The following PLCXD3 variants were observed in gnomAD, a reference collection of about 807,000 sequenced individuals.
The protein encoded by PLCXD3 is PI-PLC X domain-containing protein 3.
PLCXD3 carries 19 observed loss-of-function variants against 25.5 expected under a neutral mutation model. That is an observed-to-expected ratio of 0.75 (90% confidence interval 0.52 to 1.09). PLCXD3 has a LOEUF of 1.09. Ranked by LOEUF, PLCXD3 falls within the 50% of genes least tolerant of loss-of-function variation. PLCXD3 has a pLI of 0.00. For missense variants in PLCXD3, 411 were observed against 388.1 expected (o/e 1.06, Z -0.50); for synonymous variants, 174 against 137.6 (o/e 1.26, Z -1.85).
At chr5:41,326,332 A>C (rs1468910629) in intron 2 of PLCXD3, among the ~76,000 whole-genome samples, 3 of 152,076 alleles carry the variant, frequency 2.0e-5, no homozygotes, top group Admixed American at 2.0e-4. Context: ...TGTGTTATCT[A>C]CACCACAGTC....
chr5:41,460,875 C>CT (rs1747857540), intron 1 of PLCXD3, among the ~76,000 whole-genome samples: 1 of 151,806 alleles, frequency 6.6e-6, no homozygotes, highest in African/African-American at 2.4e-5. Context: ...TTTCTTATTA[C>CT]TATTGTTGCC....
At chr5:41,374,217 C>G (rs565092522) in intron 2 of PLCXD3, among the ~76,000 whole-genome samples, 1 of 152,164 alleles carries the variant, frequency 6.6e-6, no homozygotes, top group African/African-American at 2.4e-5. Flanking sequence ...TCACTTGAGT[C>G]TGTTAAGAAT....
rs1429768175 is a variant in PLCXD3, at chr5:41,372,126, A to C, written c.812+9700T>G. Reference sequence around the variant, plus strand: ...TTTTTTTTGTGAGTGCTAGCTATACATACTAGTTATATTTTAAGCTAGTTT... The same window carrying C: ...TTTTTTTTGTGAGTGCTAGCTATACCTACTAGTTATATTTTAAGCTAGTTT... On this transcript the variant is annotated intron_variant, in intron 2 of 2. Transcript: ENST00000377801. Among the ~76,000 whole-genome samples the C allele has an allele frequency of 2.0e-5, 3 of 152,166 alleles. No individual in the cohort carries two copies. The East Asian group carries it at 5.8e-4, about 29-fold the overall frequency.
intron 2 of PLCXD3, among the ~76,000 whole-genome samples, chr5:41,357,957 C>T (rs1042249434): frequency 1.3e-5 from 2 of 152,118 alleles, no homozygotes; most frequent in Admixed American, 6.6e-5. Context: ...TAATTATTCT[C>T]AATGATAAAA....
Position 41,391,518 on chromosome 5 carries a change from C to T in PLCXD3, c.104-8984G>A, listed in dbSNP as rs536788507. On this transcript the variant is annotated intron_variant, in intron 1 of 2. Transcript: ENST00000377801. ...TAGTTCTGCCGGCATTCATCACCTG[C>T]TAAATGAAGAGTCCTTGGGCCCCAA... Among the ~76,000 whole-genome samples, 9 of 152,258 alleles carry T rather than the reference C, an allele frequency of 5.9e-5. No individual in the cohort carries two copies. In the South Asian group the frequency reaches 1.9e-3, roughly 32 times the overall value.
chr5:41,411,886 A>G (rs868688520), intron 1 of PLCXD3, among the ~76,000 whole-genome samples: 1 of 4,234 alleles, frequency 2.4e-4, no homozygotes, highest in African/African-American at 1.7e-3. Context: ...ATATATATGT[A>G]TCCATATATA....
At chr5:41,454,627 A>G (rs767633446) in intron 1 of PLCXD3, among the ~76,000 whole-genome samples, 19 of 151,988 alleles carry the variant, frequency 1.3e-4, no homozygotes, top group South Asian at 8.3e-4. Flanking sequence ...CTTCTAAGGA[A>G]GCCATGAGAA....
intron 2 of PLCXD3, among the ~76,000 whole-genome samples, chr5:41,371,594 A>G (rs1444219413): frequency 2.0e-5 from 3 of 152,118 alleles, no homozygotes; most frequent in African/African-American, 7.2e-5. Context: ...CCAATCTTGT[A>G]AGTCCCTTCT....
intron 2 of PLCXD3, among the ~76,000 whole-genome samples, chr5:41,380,704 C>T (rs1447851092): frequency 6.6e-6 from 1 of 152,076 alleles, no homozygotes; most frequent in Non-Finnish European, 1.5e-5. Flanking sequence ...GACCTTGGGT[C>T]CAAGCAAAAC....
At chr5:41,395,451 A>G (rs1745973967) in intron 1 of PLCXD3, among the ~76,000 whole-genome samples, 1 of 152,118 alleles carries the variant, frequency 6.6e-6, no homozygotes, top group Non-Finnish European at 1.5e-5. Context: ...AATTAGTAGA[A>G]GAAATAATAA....
At chr5:41,402,271 A>G (rs7722338) in intron 1 of PLCXD3, among the ~76,000 whole-genome samples, 139,199 of 151,706 alleles carry the variant, frequency 0.92, 64,295 homozygotes, top group African/African-American at 0.96. Context: ...CAGAAATTCT[A>G]CAGTGTTATA....
intron 1 of PLCXD3, among the ~76,000 whole-genome samples, chr5:41,461,814 C>G (rs1435033789): frequency 6.6e-6 from 1 of 151,934 alleles, no homozygotes; most frequent in African/African-American, 2.4e-5. Flanking sequence ...GACACCTCAG[C>G]CCCCTCACTC....
chr5:41,372,498 G>C lies in PLCXD3; in HGVS notation c.812+9328C>G, dbSNP rs951991977. 9.9e-5 allele frequency among the ~76,000 whole-genome samples: 15 copies of C among 152,178 alleles called. No individual in the cohort carries two copies. The South Asian group carries it at 2.9e-3, about 29-fold the overall frequency. ...ACATCAGCAGAATGAAGGAGAAAGA[G>C]AGTTTTTATGTGCACTCTTATTTCA... On this transcript the variant is annotated intron_variant, in intron 2 of 2. Coordinates refer to ENST00000377801, the MANE Select transcript of PLCXD3 (RefSeq NM_001005473.3).
intron 2 of PLCXD3, among the ~76,000 whole-genome samples, chr5:41,343,324 A>G (rs1744211432): frequency 6.6e-6 from 1 of 152,090 alleles, no homozygotes; most frequent in Admixed American, 6.5e-5. Flanking sequence ...TGAAGTTTTT[A>G]TGTTTACTTG....
At chr5:41,439,660 A>G (rs1747335212) in intron 1 of PLCXD3, among the ~76,000 whole-genome samples, 1 of 152,146 alleles carries the variant, frequency 6.6e-6, no homozygotes, top group African/African-American at 2.4e-5. Context: ...ACCTCTTCCA[A>G]ATGTCTTTCA....
intron 1 of PLCXD3, among the ~76,000 whole-genome samples, chr5:41,454,211 C>A (rs867626434): frequency 5.0e-4 from 76 of 151,972 alleles, no homozygotes; most frequent in Admixed American, 6.6e-4. Context: ...GATACAGTCA[C>A]ACTGTAGTGG....
chr5:41,412,407 A>AAAT (rs1375522539), intron 1 of PLCXD3, among the ~76,000 whole-genome samples: 4 of 152,194 alleles, frequency 2.6e-5, no homozygotes, highest in African/African-American at 9.7e-5. Flanking sequence ...CTTTTATAAT[A>AAAT]AATTCTCAGA....
At chr5:41,402,933 C>T (rs1312045296) in intron 1 of PLCXD3, among the ~76,000 whole-genome samples, 1 of 152,024 alleles carries the variant, frequency 6.6e-6, no homozygotes, top group Non-Finnish European at 1.5e-5. Flanking sequence ...CTTGTTGGCA[C>T]TTAGTTTTAT....
chr5:41,441,274 G>T (rs1747378849), intron 1 of PLCXD3, among the ~76,000 whole-genome samples: 1 of 152,154 alleles, frequency 6.6e-6, no homozygotes, highest in Non-Finnish European at 1.5e-5. Context: ...ATGCAGAAAA[G>T]AATTTCTTTA....
Sources: allele counts gnomAD v4.1 joint callset (sites outside exome capture counted in the v4.1 genomes callset), GRCh38; gene constraint gnomAD v4.1.1; transcripts MANE v1.5; gene names NCBI Gene and HGNC (gene_info 2026-07-23, HGNC 2026-07-21).